Variants in SUGCT observed in about 807,000 individuals in gnomAD.
The protein encoded by SUGCT is succinyl-CoA:glutarate-CoA transferase, also known as succinyl-CoA:glutarate CoA-transferase.
SUGCT carries 41 observed loss-of-function variants against 55.0 expected under a neutral mutation model. That is an observed-to-expected ratio of 0.74 (90% CI 0.58 to 0.97). The LOEUF is 0.97. Among genes scored for constraint, SUGCT ranks in the 50% least tolerant of loss-of-function variants. The probability of loss-of-function intolerance (pLI) is 0.00; values close to 1 mark genes in which losing one functional copy is unlikely to be tolerated. For synonymous variants in SUGCT, 187 were observed against 200.4 expected, an observed-to-expected ratio of 0.93 and a Z score of 0.56; for missense variants, 568 against 547.8, an observed-to-expected ratio of 1.04 and a Z score of -0.37.
intron 1 of SUGCT, 95 bp downstream of exon 1, chr7:40,135,215 T>A: frequency 3.0e-6 from 4 of 1,355,686 alleles, no homozygotes; most frequent in Non-Finnish European, 2.9e-6. Context: ...GTCTGAAGTC[T>A]CTGCTGACCC....
intron 6 of SUGCT, among the ~76,000 whole-genome samples, chr7:40,199,043 G>T (rs1221392568): frequency 1.3e-5 from 2 of 151,272 alleles, no homozygotes; most frequent in Non-Finnish European, 2.9e-5. Context: ...CTGTGTGTGT[G>T]TGTTTTTTTT....
the SUGCT span, among the ~76,000 whole-genome samples, chr7:41,001,297 C>T: frequency 2.0e-5 from 3 of 151,884 alleles, no homozygotes; most frequent in Non-Finnish European, 4.4e-5. Flanking sequence ...AGGAGTGTCA[C>T]ACAAAGATGT....
the SUGCT span, chr7:40,966,879 G>T: frequency 0.46 from 70,221 of 152,050 alleles, 16,985 homozygotes; most frequent in African/African-American, 0.61. Flanking sequence ...GAAAGAAACA[G>T]AGAAAAGGAA....
chr7:40,548,287 C>G (rs1030938999), intron 12 of SUGCT, among the ~76,000 whole-genome samples: 1 of 148,296 alleles, frequency 6.7e-6, no homozygotes, highest in African/African-American at 2.5e-5. Flanking sequence ...CTCATGGGCT[C>G]AAATGCTCCT....
intron 12 of SUGCT, among the ~76,000 whole-genome samples, chr7:40,567,098 A>G (rs1796198046): frequency 6.6e-6 from 1 of 152,240 alleles, no homozygotes; most frequent in South Asian, 2.1e-4. Context: ...TTGAACGCAG[A>G]TGTTTTAACT....
intron 12 of SUGCT, among the ~76,000 whole-genome samples, chr7:40,588,894 C>T (rs1466293136): frequency 6.6e-6 from 1 of 152,008 alleles, no homozygotes; most frequent in African/African-American, 2.4e-5. Context: ...TGCCATTTTC[C>T]TTAGAATCTG....
At chr7:40,573,530 C>T (rs1402112601) in intron 12 of SUGCT, among the ~76,000 whole-genome samples, 2 of 152,048 alleles carry the variant, frequency 1.3e-5, no homozygotes, top group Non-Finnish European at 2.9e-5. Context: ...TCCATACATA[C>T]ATATAGACAT....
At chr7:40,953,841 G>A in the SUGCT span, among the ~76,000 whole-genome samples, 49 of 152,312 alleles carry the variant, frequency 3.2e-4, no homozygotes, top group Middle Eastern at 3.4e-3. Flanking sequence ...ACCCGGCCAC[G>A]TGAAGTATCA....
the SUGCT span, among the ~76,000 whole-genome samples, chr7:40,882,867 AT>A: frequency 2.0e-4 from 31 of 152,268 alleles, no homozygotes; most frequent in Non-Finnish European, 3.7e-4. Flanking sequence ...ATCCTTGGTT[AT>A]TTCTCAGAAT....
intron 6 of SUGCT, among the ~76,000 whole-genome samples, chr7:40,201,725 T>C (rs535777476): frequency 6.6e-6 from 1 of 152,338 alleles, no homozygotes; most frequent in Admixed American, 6.5e-5. Flanking sequence ...TCTGTAGACA[T>C]GGACTGATTC....
At chr7:40,502,583 A>G (rs1162363990) in intron 12 of SUGCT, among the ~76,000 whole-genome samples, 1 of 152,038 alleles carries the variant, frequency 6.6e-6, no homozygotes, top group African/African-American at 2.4e-5. Flanking sequence ...AAATGCAATT[A>G]AAATTAAAGG....
At chr7:40,496,448 C>T in intron 12 of SUGCT, 62 bp downstream of exon 12, 1 of 1,131,746 alleles carries the variant, frequency 8.8e-7, no homozygotes, top group Non-Finnish European at 1.3e-6. Context: ...TATCAAGGTA[C>T]CTTTGCCATT....
chr7:40,293,461 G>A (rs558339567), intron 8 of SUGCT, among the ~76,000 whole-genome samples: 166 of 152,108 alleles, frequency 1.1e-3, no homozygotes, highest in Non-Finnish European at 2.1e-3. Context: ...AAATCTCTCC[G>A]GATGATTCTG....
intron 9 of SUGCT, among the ~76,000 whole-genome samples, chr7:40,425,487 G>A (rs755344871): frequency 2.0e-5 from 3 of 151,976 alleles, no homozygotes; most frequent in Non-Finnish European, 4.4e-5. Context: ...AGTTAGTGTC[G>A]GAATCCTGAT....
chr7:40,400,421 G>A (rs1026432784), intron 9 of SUGCT, among the ~76,000 whole-genome samples: 2 of 152,160 alleles, frequency 1.3e-5, no homozygotes, highest in Admixed American at 6.6e-5. Context: ...GTCACATAGC[G>A]AGAACATAGA....
chr7:40,367,826 A>C (rs889682425), intron 9 of SUGCT, among the ~76,000 whole-genome samples: 1 of 151,910 alleles, frequency 6.6e-6, no homozygotes, highest in Non-Finnish European at 1.5e-5. Flanking sequence ...GCGTCATGTC[A>C]CCCAACTGAT....
chr7:40,479,115 T>C (rs759420799), intron 11 of SUGCT, among the ~76,000 whole-genome samples: 11 of 152,134 alleles, frequency 7.2e-5, no homozygotes, highest in Non-Finnish European at 1.3e-4. Flanking sequence ...ATTTTCTTTA[T>C]CCATTTATCC....
chr7:40,776,657 G>A (rs1232067827), intron 13 of SUGCT, among the ~76,000 whole-genome samples: 1 of 152,162 alleles, frequency 6.6e-6, no homozygotes, highest in Non-Finnish European at 1.5e-5. Context: ...GATATTTGAA[G>A]CTGAATCTCT....
intron 8 of SUGCT, among the ~76,000 whole-genome samples, chr7:40,299,822 TTTTTA>T (rs1794422463): frequency 6.6e-6 from 1 of 152,200 alleles, no homozygotes; most frequent in South Asian, 2.1e-4. Context: ...ATCAACAATT[TTTTTA>T]TTTTTATTTT....
Sources: allele counts gnomAD v4.1 joint callset (sites outside exome capture counted in the v4.1 genomes callset), GRCh38; gene constraint gnomAD v4.1.1; transcripts MANE v1.5; gene names NCBI Gene and HGNC (gene_info 2026-07-23, HGNC 2026-07-21).